CEMIP: variants seen among roughly 807,000 people sequenced by gnomAD.
CEMIP encodes the protein cell migration-inducing and hyaluronan-binding protein.
In CEMIP, 105 loss-of-function variants were observed where a neutral mutation model predicts 156.9. The ratio of observed to expected loss-of-function variants is 0.67; its 90% CI spans 0.57 to 0.79. CEMIP has a LOEUF of 0.79. Among genes scored for constraint, CEMIP ranks in the 30% least tolerant of loss-of-function variants. CEMIP has a pLI of 0.00. For missense variants in CEMIP, 1,457 were observed against 1,769.4 expected, an observed-to-expected ratio of 0.82 and a Z score of 3.17; for synonymous variants, 676 against 668.4, an observed-to-expected ratio of 1.01 and a Z score of -0.17.
intron 1 of CEMIP, among the ~76,000 whole-genome samples, chr15:80,818,407 A>C (rs1417638183): frequency 6.6e-6 from 1 of 152,250 alleles, no homozygotes; most frequent in African/African-American, 2.4e-5. Flanking sequence ...GAGAAGTGCA[A>C]ACTTATCATG....
chr15:80,823,465 G>T (rs1275390303), intron 1 of CEMIP, among the ~76,000 whole-genome samples: 1 of 152,206 alleles, frequency 6.6e-6, no homozygotes, highest in Non-Finnish European at 1.5e-5. Flanking sequence ...AACCACAGAG[G>T]TCTCCTGATG....
At chr15:80,889,868 G>A (rs1231250567) in intron 10 of CEMIP, among the ~76,000 whole-genome samples, 1 of 152,166 alleles carries the variant, frequency 6.6e-6, no homozygotes, top group African/African-American at 2.4e-5. Flanking sequence ...CCACCACAGG[G>A]ATGGGTTTGG....
chr15:80,922,476 G>A (rs558346481), intron 17 of CEMIP, among the ~76,000 whole-genome samples: 8 of 152,328 alleles, frequency 5.3e-5, no homozygotes, highest in East Asian at 1.9e-4. Flanking sequence ...TTCACTTGGC[G>A]GGGCTGGGTG....
chr15:80,920,042 G>A, intron 14 of CEMIP, 52 bp from the exon 15 acceptor site: 1 of 1,538,860 alleles, frequency 6.5e-7, no homozygotes, highest in Non-Finnish European at 9.0e-7. Context: ...GCATGAATGA[G>A]CACATGAATA....
chr15:80,840,097 A>AG (rs1172590641), intron 1 of CEMIP, among the ~76,000 whole-genome samples: 1 of 152,212 alleles, frequency 6.6e-6, no homozygotes, highest in African/African-American at 2.4e-5. Context: ...TTCTGGTAGA[A>AG]GGCAGAAAGT....
chr15:80,907,806 A>G (rs6495532), intron 13 of CEMIP, among the ~76,000 whole-genome samples: 8,464 of 152,254 alleles, frequency 0.056, 751 homozygotes, highest in African/African-American at 0.19. Flanking sequence ...GATACCCACA[A>G]TTTCTTCATG....
rs147499173 is a variant in CEMIP, at chr15:80,810,532, T to G, written c.-176+30918T>G. ...ACAGGCGCCCTCCACTGCGGCCAGC[T>G]AATTTTTTGTATTTTTAGTAGAGAT... On this transcript the variant is annotated intron_variant, in intron 1 of 29. Transcript: ENST00000394685. Among the ~76,000 whole-genome samples, 1,419 of 152,320 alleles carry G rather than the reference T, an allele frequency of 9.3e-3. 27 individuals carry two copies. The highest frequency in any genetic ancestry group is 0.032 in the African/African-American group (1,321 of 41,562).
intron 1 of CEMIP, among the ~76,000 whole-genome samples, chr15:80,803,527 C>T (rs8034974): frequency 0.18 from 27,009 of 152,016 alleles, 2,497 homozygotes; most frequent in East Asian, 0.25. Flanking sequence ...GTTCCCTGGA[C>T]GGGAAGACAA....
chr15:80,788,356 A>G (rs1489495108), intron 1 of CEMIP, among the ~76,000 whole-genome samples: 3 of 151,600 alleles, frequency 2.0e-5, no homozygotes, highest in African/African-American at 7.3e-5. Context: ...CTGTAATCCC[A>G]GCTACTCCGG....
Position 80,880,975 on chromosome 15 carries a change from G to A in CEMIP, c.456G>A (p.Glu152=), listed in dbSNP as rs367627306. 6.0e-5 allele frequency: 97 copies of A among 1,614,116 alleles called. No homozygotes were observed. Among genetic ancestry groups the A allele is most frequent in the Non-Finnish European group, 7.5e-5 (88 of 1,180,048 alleles). Residue 152 remains glutamate, a synonymous_variant, in exon 6 of 30, where the codon GAG becomes GAA. Transcript: ENST00000394685. ...YIGVGKGGAL[E]LHGQKKLSWT... ...GGGTTGGTAAAGGAGGCGCTCTTGA[G>A]TTGCATGGACAGAAAAAGCTCTCCT...
Position 80,861,122 on chromosome 15 carries a change from T to C in CEMIP, c.-175-12416T>C, listed in dbSNP as rs1031794692. 5.3e-5 allele frequency among the ~76,000 whole-genome samples: 8 copies of C among 152,274 alleles called. No homozygotes were observed. In the East Asian group the frequency reaches 1.5e-3, roughly 29 times the overall value. ...TCTAACCTGATCCAGAGCAGGGTCT[T>C]TTCCTGAGTTGTTTCCTGCCGTGTC... On this transcript the variant is annotated intron_variant, in intron 1 of 29. Coordinates refer to ENST00000394685, the MANE Select transcript of CEMIP (RefSeq NM_001293298.2).
chr15:80,838,039 A>G (rs1444910604), intron 1 of CEMIP, among the ~76,000 whole-genome samples: 1 of 152,160 alleles, frequency 6.6e-6, no homozygotes, highest in African/African-American at 2.4e-5. Context: ...GCTGTATGCA[A>G]CAGCCCCCCC....
chr15:80,795,304 G>A (rs1896192954), intron 1 of CEMIP, among the ~76,000 whole-genome samples: 1 of 152,112 alleles, frequency 6.6e-6, no homozygotes, highest in Non-Finnish European at 1.5e-5. Context: ...GGGGGTGATA[G>A]GCAATAGTTA....
At chr15:80,817,082 A>G (rs1229483966) in intron 1 of CEMIP, among the ~76,000 whole-genome samples, 1 of 152,214 alleles carries the variant, frequency 6.6e-6, no homozygotes, top group African/African-American at 2.4e-5. Context: ...AGAAATAGAA[A>G]CGGAAAGCCA....
chr15:80,854,507 A>G (rs1897796492), intron 1 of CEMIP, among the ~76,000 whole-genome samples: 1 of 152,154 alleles, frequency 6.6e-6, no homozygotes, highest in African/African-American at 2.4e-5. Context: ...TCAGGGCAAG[A>G]CTCTTTCAAA....
chr15:80,842,391 C>G (rs1360816037), intron 1 of CEMIP, among the ~76,000 whole-genome samples: 1 of 152,022 alleles, frequency 6.6e-6, no homozygotes, highest in Non-Finnish European at 1.5e-5. Context: ...GTTCTTTGTT[C>G]TCAAGGGAGG....
At chr15:80,803,353 C>T (rs1043480767) in intron 1 of CEMIP, among the ~76,000 whole-genome samples, 1 of 152,048 alleles carries the variant, frequency 6.6e-6, no homozygotes, top group African/African-American at 2.4e-5. Context: ...GATCACTAGG[C>T]AGGAATGCTA....
chr15:80,870,606 G>A (rs941036667), intron 1 of CEMIP, among the ~76,000 whole-genome samples: 1 of 152,082 alleles, frequency 6.6e-6, no homozygotes, highest in Non-Finnish European at 1.5e-5. Context: ...TCAGGTGCCC[G>A]GTGAGCAATG....
intron 1 of CEMIP, among the ~76,000 whole-genome samples, chr15:80,792,545 T>A (rs1213505611): frequency 6.6e-6 from 1 of 152,190 alleles, no homozygotes; most frequent in Admixed American, 6.5e-5. Flanking sequence ...GTGTACTATG[T>A]GAACTAATAC....
Sources: gnomAD v4.1 joint callset for allele counts (sites outside exome capture counted in the v4.1 genomes callset) on GRCh38, gnomAD v4.1.1 for gene constraint, MANE v1.5 for transcripts, NCBI Gene and HGNC (gene_info 2026-07-23, HGNC 2026-07-21) for gene names.